NAA60: variants seen among roughly 807,000 people sequenced by gnomAD.
The protein encoded by NAA60 is N-alpha-acetyltransferase 60, NatF catalytic subunit, also known as N-alpha-acetyltransferase 60.
A neutral mutation model predicts 26.1 loss-of-function variants in NAA60; 8 were observed. That is an observed-to-expected ratio of 0.31 (90% CI 0.18 to 0.55). The LOEUF is 0.55. NAA60 is among the 20% of genes least tolerant of loss of function. The pLI, the probability that NAA60 is intolerant of heterozygous loss-of-function variation, is 0.93. For missense variants in NAA60, 290 were observed against 311.3 expected, an observed-to-expected ratio of 0.93 and a Z score of 0.51; for synonymous variants, 131 against 122.5, an observed-to-expected ratio of 1.07 and a Z score of -0.46.
chr16:3,458,195 G>A (rs548340381), intron 2 of NAA60: 1 of 984,720 alleles, frequency 1.0e-6, no homozygotes, highest in South Asian at 4.7e-5. Flanking sequence ...AGGTGGCGGG[G>A]GGCGGCCGCC....
At chr16:3,453,131 T>C (rs1022183705) in intron 2 of NAA60, among the ~76,000 whole-genome samples, 2 of 151,998 alleles carry the variant, frequency 1.3e-5, no homozygotes, top group Admixed American at 1.3e-4. Context: ...ATAATTTTAC[T>C]CACGCCTGTA....
At chr16:3,452,212 CA>C (rs1401387481) in intron 2 of NAA60, among the ~76,000 whole-genome samples, 1 of 151,880 alleles carries the variant, frequency 6.6e-6, no homozygotes, top group Non-Finnish European at 1.5e-5. Flanking sequence ...GACCTTGTCT[CA>C]AAAAAATTAA....
chr16:3,457,986 A>G, intron 2 of NAA60: 5 of 985,158 alleles, frequency 5.1e-6, no homozygotes, highest in Non-Finnish European at 6.0e-6. Flanking sequence ...GCGGCGGCCA[A>G]TGGGCTTCCG....
chr16:3,482,589 C>A lies in NAA60; in HGVS notation c.328C>A (p.His110Asn). 1 of 1,604,600 alleles carries A rather than the reference C, an allele frequency of 6.2e-7. No individual in the cohort carries two copies. ...SLGVVKEFRK[H>N]GIGSLLLESL... ...GGGCGTCGTGAAAGAGTTCAGGAAGCACGGCATAGGTAAGGGCAGCCGGGC... is the reference window on the plus strand; with the variant it reads ...GGGCGTCGTGAAAGAGTTCAGGAAGAACGGCATAGGTAAGGGCAGCCGGGC... The change falls in exon 5 of 8, where the codon CAC becomes AAC. Residue 110 changes from histidine (H) to asparagine (N), a missense_variant. His to Asn is a moderately conservative substitution (Grantham distance 68). Coordinates refer to ENST00000407558, the MANE Select transcript of NAA60 (RefSeq NM_001083601.3).
At chr16:3,474,603 G>A (rs561029971) in intron 2 of NAA60, among the ~76,000 whole-genome samples, 1 of 152,360 alleles carries the variant, frequency 6.6e-6, no homozygotes, top group Admixed American at 6.5e-5. Flanking sequence ...AGCTCAGAGA[G>A]GCTGGGCTCG....
intron 2 of NAA60, among the ~76,000 whole-genome samples, chr16:3,465,047 C>T (rs2035651533): frequency 6.6e-6 from 1 of 152,060 alleles, no homozygotes; most frequent in African/African-American, 2.4e-5. Flanking sequence ...GCGGGTGGAT[C>T]ATGAGGTCAG....
chr16:3,466,704 T>C (rs141520657), intron 2 of NAA60, among the ~76,000 whole-genome samples: 147 of 152,184 alleles, frequency 9.7e-4, no homozygotes, highest in African/African-American at 2.7e-3. Flanking sequence ...AGAAGCCTGG[T>C]GTGCTAACGG....
At chr16:3,479,042 C>T (rs1006968324) in intron 3 of NAA60, among the ~76,000 whole-genome samples, 2 of 152,010 alleles carry the variant, frequency 1.3e-5, no homozygotes, top group African/African-American at 2.4e-5. Flanking sequence ...TTGAGACCAG[C>T]CTGACCAACA....
chr16:3,453,860 C>G (rs1247079155), intron 2 of NAA60, among the ~76,000 whole-genome samples: 2 of 152,162 alleles, frequency 1.3e-5, no homozygotes, highest in Non-Finnish European at 2.9e-5. Context: ...AGTCCCTGCT[C>G]TCCTCCCACC....
chr16:3,463,506 C>T (rs1439950211), intron 2 of NAA60, among the ~76,000 whole-genome samples: 2 of 144,182 alleles, frequency 1.4e-5, no homozygotes, highest in Non-Finnish European at 1.5e-5. Context: ...GAGCCAAGAT[C>T]GTGCCACTGC....
intron 2 of NAA60, among the ~76,000 whole-genome samples, chr16:3,470,231 G>A (rs181532633): frequency 6.6e-6 from 1 of 152,308 alleles, no homozygotes; most frequent in Non-Finnish European, 1.5e-5. Context: ...GCCCCACAGT[G>A]CCTGCACTGC....
rs148261002 is a variant in NAA60, at chr16:3,483,379, A to G, written c.354A>G (p.Glu118=). 5,228 of 1,611,614 alleles carry G rather than the reference A, an allele frequency of 3.2e-3. 13 individuals are homozygous for G. Among genetic ancestry groups the G allele is most frequent in the Non-Finnish European group, 3.9e-3 (4,599 of 1,178,720 alleles). Reference sequence around the variant, plus strand: ...CTCCCCAAGGTTCCCTCTTACTTGAAAGTTTAAAGGATCACATATCAACCA... The same window carrying G: ...CTCCCCAAGGTTCCCTCTTACTTGAGAGTTTAAAGGATCACATATCAACCA... The part of the protein sequence containing the change: ...RKHGIGSLLL[E]SLKDHISTTA... Residue 118 remains glutamate (E), a synonymous_variant, in exon 6 of 8, where the codon GAA becomes GAG. Coordinates refer to ENST00000407558, the MANE Select transcript of NAA60 (RefSeq NM_001083601.3).
chr16:3,450,024 T>G, intron 2 of NAA60: 1 of 365,942 alleles, frequency 2.7e-6, no homozygotes, highest in Non-Finnish European at 4.8e-6. Context: ...GACTAATACA[T>G]CGTCTCAAAA....
chr16:3,471,564 C>T (rs561650443), intron 2 of NAA60, among the ~76,000 whole-genome samples: 2 of 152,286 alleles, frequency 1.3e-5, no homozygotes, highest in African/African-American at 4.8e-5. Flanking sequence ...GTCATCCCTG[C>T]CCCAGGCATC....
chr16:3,451,439 A>T (rs2034778505), intron 2 of NAA60, among the ~76,000 whole-genome samples: 1 of 152,242 alleles, frequency 6.6e-6, no homozygotes, highest in Non-Finnish European at 1.5e-5. Flanking sequence ...TTCTAAAAAT[A>T]AAAATGTTTA....
chr16:3,475,675 C>T (rs2036433905), intron 2 of NAA60, among the ~76,000 whole-genome samples: 1 of 152,158 alleles, frequency 6.6e-6, no homozygotes, highest in Admixed American at 6.5e-5. Flanking sequence ...ACTTGCTGGG[C>T]GGGGAGGAGA....
chr16:3,459,648 ACT>A (rs934486665), intron 2 of NAA60, among the ~76,000 whole-genome samples: 1 of 152,188 alleles, frequency 6.6e-6, no homozygotes, highest in African/African-American at 2.4e-5. Flanking sequence ...GTTTCATCTT[ACT>A]GAAGTTGCAG....
Position 3,485,005 on chromosome 16 carries a change from C to T in NAA60, c.*150C>T, listed in dbSNP as rs1596368005. On this transcript the variant is annotated 3_prime_UTR_variant, in exon 7 of 8. Transcript: ENST00000407558. ...TGCCCCAGCTGCAGGCCCGGTGCTA[C>T]ACGGGCTCGGGAACAGAACATCGTG... 3.3e-6 allele frequency: 5 copies of T among 1,525,014 alleles called. No homozygotes were observed. The East Asian group carries it at 1.2e-4, about 38-fold the overall frequency. The allele number at this position is 1,525,014 out of a possible 1,614,324, so 94.5% of individuals were successfully genotyped here. A position where few individuals can be genotyped will look rare whatever the true frequency, so the allele number is the denominator to read the frequency against.
At chr16:3,448,440 A>G in intron 1 of NAA60, 31 bp from the exon 2 acceptor site, 1 of 1,528,046 alleles carries the variant, frequency 6.5e-7, no homozygotes, top group Non-Finnish European at 8.8e-7. Context: ...CCAGGAGTGA[A>G]GTGATGGCCT....
Sources: allele counts gnomAD v4.1 joint callset (sites outside exome capture counted in the v4.1 genomes callset), GRCh38; gene constraint gnomAD v4.1.1; transcripts MANE v1.5; gene names NCBI Gene and HGNC (gene_info 2026-07-23, HGNC 2026-07-21).